The following ACAP2 variants were observed in gnomAD, a reference collection of about 807,000 sequenced individuals.
ACAP2 encodes the protein ArfGAP with coiled-coil, ankyrin repeat and PH domains 2, also known as arf-GAP with coiled-coil, ANK repeat and PH domain-containing protein 2.
ACAP2 carries 39 observed loss-of-function variants against 115.8 expected under a neutral mutation model. The observed-to-expected ratio is 0.34, with a 90% CI of 0.26 to 0.44. The LOEUF (loss-of-function observed/expected upper bound fraction) is 0.44, where lower values mean the gene tolerates loss of function less well. ACAP2 is among the 20% of genes least tolerant of loss of function. ACAP2 has a pLI of 1.00. For missense variants in ACAP2, 662 were observed against 927.6 expected (o/e 0.71, Z 3.72); for synonymous variants, 289 against 315.8 (o/e 0.92, Z 0.90).
intron 10 of ACAP2, among the ~76,000 whole-genome samples, chr3:195,310,144 T>C (rs777459272): frequency 6.6e-6 from 1 of 152,214 alleles, no homozygotes; most frequent in Non-Finnish European, 1.5e-5. Flanking sequence ...TTTTTAAAAA[T>C]TAAGTTAATT....
At chr3:195,371,421 C>A (rs1247850300) in intron 4 of ACAP2, among the ~76,000 whole-genome samples, 1 of 152,070 alleles carries the variant, frequency 6.6e-6, no homozygotes, top group African/African-American at 2.4e-5. Context: ...TGAAACTTTG[C>A]TGAAGTTGTT....
intron 1 of ACAP2, among the ~76,000 whole-genome samples, chr3:195,411,982 C>T (rs752992074): frequency 2.0e-5 from 3 of 150,608 alleles, no homozygotes; most frequent in Non-Finnish European, 4.4e-5. Flanking sequence ...TCATCACTTA[C>T]CACACAGACC....
intron 9 of ACAP2, 190 bp downstream of exon 9, chr3:195,326,695 G>A: frequency 2.0e-6 from 1 of 510,072 alleles, no homozygotes; most frequent in Non-Finnish European, 3.4e-6. Context: ...TCAAAGATCT[G>A]AAAAAATAAC....
At chr3:195,329,356 G>T (rs565051551) in intron 8 of ACAP2, among the ~76,000 whole-genome samples, 48 of 152,138 alleles carry the variant, frequency 3.2e-4, no homozygotes, top group African/African-American at 5.3e-4. Flanking sequence ...ATGTTAATAG[G>T]TTCCTATAAC....
chr3:195,436,046 C>A (rs1560371393), intron 1 of ACAP2, among the ~76,000 whole-genome samples: 1 of 151,576 alleles, frequency 6.6e-6, no homozygotes, highest in Non-Finnish European at 1.5e-5. Flanking sequence ...TATTTATAGT[C>A]ATTATGTCTT....
chr3:195,414,197 A>G (rs1479246445), intron 1 of ACAP2, among the ~76,000 whole-genome samples: 1 of 152,210 alleles, frequency 6.6e-6, no homozygotes, highest in Non-Finnish European at 1.5e-5. Context: ...AGGAACTCTC[A>G]TTCTTTGCTG....
chr3:195,367,189 T>G (rs1420906363), intron 4 of ACAP2, among the ~76,000 whole-genome samples: 1 of 152,130 alleles, frequency 6.6e-6, no homozygotes, highest in African/African-American at 2.4e-5. Context: ...AAACACAGAT[T>G]GCTAGCTCCC....
intron 9 of ACAP2, chr3:195,325,389 C>G: frequency 4.9e-6 from 2 of 409,630 alleles, no homozygotes; most frequent in South Asian, 3.6e-5. Context: ...AGGAGACATA[C>G]TTTCCCTTAG....
At chr3:195,341,324 T>TG (rs1248303041) in intron 6 of ACAP2, among the ~76,000 whole-genome samples, 1 of 137,430 alleles carries the variant, frequency 7.3e-6, no homozygotes, top group African/African-American at 2.7e-5. Context: ...TGTGTGGGTT[T>TG]TTTTTTTTTT....
rs542293703 is a variant in ACAP2 at position 195,328,896 on chromosome 3, G to A, written c.670-1937C>T. On this transcript the variant is annotated intron_variant, in intron 8 of 22. Coordinates refer to ENST00000326793, the MANE Select transcript of ACAP2 (RefSeq NM_012287.6). Reference sequence around the variant, plus strand: ...AGATCGAGACCATCCTGGCTAACACGGTGAAACCGTGCCTCTACTAAAAAT... The same window carrying A: ...AGATCGAGACCATCCTGGCTAACACAGTGAAACCGTGCCTCTACTAAAAAT... Among the ~76,000 whole-genome samples the A allele has an allele frequency of 1.6e-3, 246 of 152,270 alleles. 1 individual carries two copies. Among genetic ancestry groups the A allele is most frequent in the Admixed American group, 6.6e-3 (101 of 15,296 alleles).
In ACAP2 at chr3:195,279,171, T is replaced by C; in HGVS notation, c.*157A>G. 3.8e-6 allele frequency: 2 copies of C among 527,284 alleles called. No homozygotes were observed. The highest frequency in any genetic ancestry group is 5.9e-5 in the South Asian group (2 of 33,802). 32.7% of individuals were successfully genotyped at this position (527,284 alleles called of 1,614,324 possible). A position where few individuals can be genotyped will look rare whatever the true frequency, so the allele number is the denominator to read the frequency against. The stretch of plus-strand genomic sequence containing the variant: ...TTCCTCTCCTACTACTAGATAACTA[T>C]GTTTTAATTTATAAATATATGAATG... On this transcript the variant is annotated 3_prime_UTR_variant, in exon 23 of 23. Coordinates refer to ENST00000326793, the MANE Select transcript of ACAP2 (RefSeq NM_012287.6).
At chr3:195,397,084 A>C (rs1711855278) in intron 1 of ACAP2, among the ~76,000 whole-genome samples, 2 of 152,232 alleles carry the variant, frequency 1.3e-5, no homozygotes, top group Non-Finnish European at 2.9e-5. Context: ...GAAATCATCA[A>C]ATAGAAATAA....
At chr3:195,405,539 A>C (rs2108800113) in intron 1 of ACAP2, among the ~76,000 whole-genome samples, 1 of 152,182 alleles carries the variant, frequency 6.6e-6, no homozygotes, top group East Asian at 1.9e-4. Flanking sequence ...TACAAAAATT[A>C]GCTGGGTGTG....
intron 9 of ACAP2, among the ~76,000 whole-genome samples, chr3:195,325,675 A>G (rs2108612744): frequency 6.6e-6 from 1 of 152,226 alleles, no homozygotes; most frequent in South Asian, 2.1e-4. Context: ...AAGTAATTCA[A>G]TTTAAGGAAA....
intron 10 of ACAP2, among the ~76,000 whole-genome samples, chr3:195,316,194 GT>G (rs146926003): frequency 6.1e-5 from 9 of 147,222 alleles, no homozygotes; most frequent in Non-Finnish European, 1.3e-4. Flanking sequence ...GTCAAGCTGG[GT>G]TTTTTTTGTT....
intron 9 of ACAP2, chr3:195,326,681 G>T: frequency 2.1e-6 from 1 of 486,234 alleles, no homozygotes; most frequent in Non-Finnish European, 3.6e-6. Flanking sequence ...AAGAAGCATA[G>T]CTTTCAAAGA....
chr3:195,404,512 A>G (rs758195207), intron 1 of ACAP2, among the ~76,000 whole-genome samples: 1 of 152,100 alleles, frequency 6.6e-6, no homozygotes, highest in East Asian at 1.9e-4. Context: ...GAGTTGTAAC[A>G]TTCAGGAAGA....
chr3:195,330,722 C>G (rs1560251123), intron 8 of ACAP2, among the ~76,000 whole-genome samples: 1 of 152,172 alleles, frequency 6.6e-6, no homozygotes, highest in African/African-American at 2.4e-5. Flanking sequence ...CCCCTAAATT[C>G]TAGCAGGTCA....
In ACAP2 at chr3:195,345,336, T is replaced by C; in HGVS notation, c.286-19A>G. 2.0e-6 allele frequency: 3 copies of C among 1,490,408 alleles called. No individual in the cohort carries two copies. The highest frequency in any genetic ancestry group is 2.8e-6 in the Non-Finnish European group (3 of 1,070,838). 92.3% of individuals were successfully genotyped at this position (1,490,408 alleles called of 1,614,324 possible). On this transcript the variant is annotated intron_variant, in intron 4 of 22. Coordinates refer to ENST00000326793, the MANE Select transcript of ACAP2 (RefSeq NM_012287.6). ...ACAGGATCTAAAAAATAAAATGTAA[T>C]ATTAAGTGATTAGAAAAGTAAACAA...
Sources: allele counts gnomAD v4.1 joint callset (sites outside exome capture counted in the v4.1 genomes callset), GRCh38; gene constraint gnomAD v4.1.1; transcripts MANE v1.5; gene names NCBI Gene and HGNC (gene_info 2026-07-23, HGNC 2026-07-21).